The following HPS3 variants were observed in gnomAD, a reference collection of about 807,000 sequenced individuals.
The protein encoded by HPS3 is HPS3 biogenesis of lysosomal organelles complex 2 subunit 1.
In HPS3, 79 loss-of-function variants were observed where a neutral mutation model predicts 110.9. The ratio of observed to expected loss-of-function variants is 0.71; its 90% CI spans 0.59 to 0.86. The LOEUF is 0.86. HPS3 is among the 40% of genes least tolerant of loss of function. The pLI is 0.00. For synonymous variants in HPS3, 428 were observed against 451.0 expected (o/e 0.95, Z 0.65); for missense variants, 1,197 against 1,206.2 (o/e 0.99, Z 0.11).
chr3:149,140,487 G>A lies in HPS3; in HGVS notation c.701G>A (p.Arg234Gln), dbSNP rs748904322. 4.3e-5 allele frequency: 69 copies of A among 1,613,876 alleles called. No homozygotes were observed. The highest frequency in any genetic ancestry group is 8.8e-5 in the South Asian group (8 of 91,060). Reference sequence around the variant, plus strand: ...CATAAGACCAACAATCGAATAAGACGGACAGAAGAAGGTAAATAATGAATT... The same window carrying A: ...CATAAGACCAACAATCGAATAAGACAGACAGAAGAAGGTAAATAATGAATT... ...HPHKTNNRIR[R>Q]TEEGISNEIS... The change falls in exon 2 of 17, where the codon CGG becomes CAG. Residue 234 changes from arginine to glutamine, a missense_variant. Arg to Gln is a conservative substitution (Grantham distance 43). Transcript: ENST00000296051.
rs781773860 is a variant in HPS3, at chr3:149,158,826, C to T, written c.1852C>T (p.Leu618=). Reference sequence around the variant, plus strand: ...CATTAATCATTCACTTTATGAAAACCTGGATGAAGAATTAAATGAAGTGAT... The same window carrying T: ...CATTAATCATTCACTTTATGAAAACTTGGATGAAGAATTAAATGAAGTGAT... ...FYINHSLYEN[L]DEELNEELAA... The change falls in exon 10 of 17, where the codon CTG becomes TTG. Residue 618 remains leucine (L), a synonymous_variant. Transcript: ENST00000296051. 20 of 1,592,842 alleles carry T rather than the reference C, an allele frequency of 1.3e-5. No homozygotes were observed. Among genetic ancestry groups the T allele is most frequent in the Non-Finnish European group, 1.7e-5 (20 of 1,160,914 alleles).
chr3:149,151,707 C>G (rs1292719477), intron 6 of HPS3, among the ~76,000 whole-genome samples: 2 of 148,256 alleles, frequency 1.3e-5, no homozygotes, highest in Non-Finnish European at 3.0e-5. Flanking sequence ...ATACACTGAT[C>G]ATTTACATTA....
rs755571250 is a variant in HPS3, at chr3:149,162,307, A to G, written c.2266A>G (p.Ile756Val). The change falls in exon 12 of 17, where the codon ATT becomes GTT. Residue 756 changes from isoleucine to valine, a missense_variant. Ile to Val is a conservative substitution (Grantham distance 29). Transcript: ENST00000296051. ...LGLQKNNKIG[I>V]EEADSFFKVL... Reference sequence around the variant, plus strand: ...CTTGCAGAAGAACAACAAAATTGGAATTGAAGAAGCAGATTCCTTTTTTAA... The same window carrying G: ...CTTGCAGAAGAACAACAAAATTGGAGTTGAAGAAGCAGATTCCTTTTTTAA... The G allele has an allele frequency of 6.6e-5, 106 of 1,613,906 alleles. No individual in the cohort carries two copies. The highest frequency in any genetic ancestry group is 8.6e-5 in the Non-Finnish European group (101 of 1,179,938).
Position 149,167,054 on chromosome 3 carries a change from A to G in HPS3, c.2610A>G (p.Ser870=), listed in dbSNP as rs769485246. 144 of 1,613,290 alleles carry G rather than the reference A, an allele frequency of 8.9e-5. No individual in the cohort carries two copies. The highest frequency in any genetic ancestry group is 1.1e-4 in the Non-Finnish European group (127 of 1,179,502). The change falls in exon 15 of 17, where the codon TCA becomes TCG. Residue 870 remains serine, a synonymous_variant. Transcript: ENST00000296051. ...CATAGTCTCTTATATGTGGTCCTTC[A>G]TTTGACATAGCTTCCATTATTCCGT... ...SKLQSLICGP[S]FDIASIIPFL...
At chr3:149,169,166 C>T (rs1724734217) in intron 16 of HPS3, among the ~76,000 whole-genome samples, 1 of 152,028 alleles carries the variant, frequency 6.6e-6, no homozygotes, top group African/African-American at 2.4e-5. Context: ...CATTCCTCAC[C>T]AGCAATATGC....
chr3:149,170,172 A>G (rs993342843), intron 16 of HPS3, among the ~76,000 whole-genome samples: 1 of 152,200 alleles, frequency 6.6e-6, no homozygotes, highest in Non-Finnish European at 1.5e-5. Context: ...TACTCTGTGA[A>G]TTTAAGATAT....
chr3:149,130,603 A>G (rs1721706479), intron 1 of HPS3: 2 of 152,302 alleles, frequency 1.3e-5, no homozygotes, highest in Admixed American at 1.3e-4. Context: ...AATTTATTGA[A>G]ACCCCGTCTG....
intron 4 of HPS3, among the ~76,000 whole-genome samples, chr3:149,143,435 C>T (rs1722606112): frequency 6.6e-6 from 1 of 152,154 alleles, no homozygotes; most frequent in Admixed American, 6.5e-5. Context: ...ATCCCTTCTC[C>T]ACTCACACTG....
chr3:149,171,514 G>A (rs1203373126), intron 16 of HPS3, among the ~76,000 whole-genome samples: 1 of 152,094 alleles, frequency 6.6e-6, no homozygotes, highest in African/African-American at 2.4e-5. Context: ...AGTAGAAATT[G>A]ATTGCAAAAT....
intron 11 of HPS3, among the ~76,000 whole-genome samples, chr3:149,161,456 GAAT>G (rs1195759748): frequency 8.6e-6 from 1 of 116,666 alleles, no homozygotes; most frequent in Non-Finnish European, 1.9e-5. Context: ...ATTGTTTAGG[GAAT>G]AATAATAAAA....
chr3:149,151,692 C>T (rs1723135365), intron 6 of HPS3, among the ~76,000 whole-genome samples: 1 of 147,398 alleles, frequency 6.8e-6, no homozygotes, highest in Non-Finnish European at 1.5e-5. Flanking sequence ...TTTCTGTTCT[C>T]AGAAATACAC....
chr3:149,150,220 C>T (rs985497986), intron 5 of HPS3, among the ~76,000 whole-genome samples: 1 of 152,144 alleles, frequency 6.6e-6, no homozygotes, highest in Non-Finnish European at 1.5e-5. Context: ...TTGATAGACA[C>T]CCATCTGTAC....
At chr3:149,171,110 T>C (rs1289672259) in intron 16 of HPS3, among the ~76,000 whole-genome samples, 19 of 152,112 alleles carry the variant, frequency 1.2e-4, no homozygotes, top group Admixed American at 1.2e-3. Context: ...AAACCCTGTC[T>C]CTACTAAAAA....
At position 149,129,824 on chromosome 3, in the gene HPS3, T is replaced by G. The variant is rs753236539; in HGVS notation, c.101T>G (p.Phe34Cys). The G allele has an allele frequency of 6.2e-7, 1 of 1,605,702 alleles. No individual in the cohort carries two copies. Among genetic ancestry groups the G allele is most frequent in the Non-Finnish European group, 8.5e-7 (1 of 1,179,130 alleles). ...TGTGGCGGGGGGCGTGACGCGCTTT[T>G]CGTGGCGGCGGGCTGCAAGGTGGAG... is the stretch of plus-strand genomic sequence containing the variant. ...RFCGGGRDALFVAAGCKVEAF... is the reference protein window; with the variant it reads ...RFCGGGRDALCVAAGCKVEAF... Residue 34 changes from phenylalanine (F) to cysteine (C), a missense_variant, in exon 1 of 17, where the codon TTC becomes TGC. By Grantham distance (205) the Phe-to-Cys change is radical. Transcript: ENST00000296051.
intron 6 of HPS3, among the ~76,000 whole-genome samples, 183 bp downstream of exon 6, chr3:149,150,863 A>G (rs969265809): frequency 8.5e-5 from 13 of 152,192 alleles, no homozygotes; most frequent in African/African-American, 3.1e-4. Flanking sequence ...CTTAGTTGAC[A>G]GTTTTTAAGA....
At chr3:149,167,292 G>A in intron 15 of HPS3, 52 bp downstream of exon 15, 1 of 1,390,514 alleles carries the variant, frequency 7.2e-7, no homozygotes, top group Non-Finnish European at 1.0e-6. Flanking sequence ...AATCAGATCT[G>A]ATAACCTCAT....
Position 149,163,951 on chromosome 3 carries a change from T to C in HPS3, c.2589+2T>C, listed in dbSNP as rs1411572278. On this transcript the variant is annotated splice_donor_variant, in intron 14 of 16. Transcript: ENST00000296051. LOFTEE classifies it high-confidence loss of function. Reference sequence around the variant, plus strand: ...ACAGAAGATCTTTCAAAATTACAGGTAAGTAAAAATACCTCCTTTTCTTAT... The same window carrying C: ...ACAGAAGATCTTTCAAAATTACAGGCAAGTAAAAATACCTCCTTTTCTTAT... 3.8e-6 allele frequency: 5 copies of C among 1,314,972 alleles called. No individual in the cohort carries two copies. In the South Asian group the frequency reaches 5.9e-5, roughly 16 times the overall value. 81.5% of individuals were successfully genotyped at this position (1,314,972 alleles called of 1,614,324 possible).
At chr3:149,154,687 C>T (rs773734195) in intron 7 of HPS3, among the ~76,000 whole-genome samples, 1 of 152,220 alleles carries the variant, frequency 6.6e-6, no homozygotes, top group Non-Finnish European at 1.5e-5. Context: ...TATGTGTCTT[C>T]ATCATATTCT....
At chr3:149,140,767 T>G (rs1442228357) in intron 2 of HPS3, among the ~76,000 whole-genome samples, 6 of 152,168 alleles carry the variant, frequency 3.9e-5, no homozygotes, top group Non-Finnish European at 7.4e-5. Flanking sequence ...TTGAATGACC[T>G]TGGGTTAATA....
Sources: allele counts gnomAD v4.1 joint callset (sites outside exome capture counted in the v4.1 genomes callset), GRCh38; gene constraint gnomAD v4.1.1; transcripts MANE v1.5; gene names NCBI Gene and HGNC (gene_info 2026-07-23, HGNC 2026-07-21).